The following HERC1 variants were observed in gnomAD, a reference collection of about 807,000 sequenced individuals.
The protein encoded by HERC1 is HECT and RLD domain containing E3 ubiquitin protein ligase family member 1, also known as probable E3 ubiquitin-protein ligase HERC1.
HERC1 carries 160 observed loss-of-function variants against 554.3 expected under a neutral mutation model. The ratio of observed to expected loss-of-function variants is 0.29; its 90% CI spans 0.25 to 0.33. HERC1 has a LOEUF of 0.33. HERC1 is among the 10% of genes least tolerant of loss of function. HERC1 has a pLI of 1.00. For synonymous variants in HERC1, 2,175 were observed against 2,131.7 expected (o/e 1.02, Z -0.56); for missense variants, 4,919 against 5,918.5 (o/e 0.83, Z 5.54).
chr15:63,687,755 G>A (rs768117900), intron 33 of HERC1, among the ~76,000 whole-genome samples: 3 of 152,182 alleles, frequency 2.0e-5, no homozygotes, highest in Non-Finnish European at 1.5e-5. Flanking sequence ...CAGGTGACAC[G>A]ACAAAGAGTG....
chr15:63,777,376 T>G (rs1348545838), intron 1 of HERC1, among the ~76,000 whole-genome samples: 1 of 152,216 alleles, frequency 6.6e-6, no homozygotes, highest in Non-Finnish European at 1.5e-5. Context: ...AACACCAGCA[T>G]TGTGCAGAGG....
chr15:63,764,347 CT>C (rs1379289303), intron 2 of HERC1, among the ~76,000 whole-genome samples, 156 bp from the exon 3 acceptor site: 2 of 152,182 alleles, frequency 1.3e-5, no homozygotes, highest in African/African-American at 4.8e-5. Context: ...ATGAAACTAA[CT>C]TTTGCAAGGA....
At chr15:63,709,103 C>T (rs1234122049) in intron 24 of HERC1, among the ~76,000 whole-genome samples, 1 of 152,154 alleles carries the variant, frequency 6.6e-6, no homozygotes, top group Non-Finnish European at 1.5e-5. Flanking sequence ...GATCCTCCCA[C>T]CTCAGCCTCC....
chr15:63,653,727 G>A (rs1262799104), intron 51 of HERC1, among the ~76,000 whole-genome samples: 1 of 152,064 alleles, frequency 6.6e-6, no homozygotes, highest in Non-Finnish European at 1.5e-5. Context: ...CAGTTATACT[G>A]TACTTTTCAT....
In HERC1 at chr15:63,660,644, T is replaced by C. The variant is rs575749170; in HGVS notation, c.9223+329A>G. 2.6e-5 allele frequency among the ~76,000 whole-genome samples: 4 copies of C among 152,292 alleles called. No homozygotes were observed. In the South Asian group the frequency reaches 8.3e-4, roughly 32 times the overall value. On this transcript the variant is annotated intron_variant, in intron 46 of 77. Transcript: ENST00000443617. The stretch of plus-strand genomic sequence containing the variant: ...AAAATGAGTGCTCCAGAAAAATCAA[T>C]GCTCATCTCTATTTATTTTTTACTT...
At position 63,612,497 on chromosome 15, in the gene HERC1, G is replaced by A. The variant is rs1461085927; in HGVS notation, c.14154C>T (p.Leu4718=). Reference sequence around the variant, plus strand: ...CCATCTGCTCCAGTTGTTTTGCTGTGAGGAGGGACAGCAGCGGCACAGGAA... The same window carrying A: ...CCATCTGCTCCAGTTGTTTTGCTGTAAGGAGGGACAGCAGCGGCACAGGAA... The part of the protein sequence containing the change: ...WIVPVPLLSL[L]TAKQLEQMVC... Residue 4718 remains leucine (L), a synonymous_variant, in exon 77 of 78, where the codon CTC becomes CTT. Transcript: ENST00000443617. This position sits in a 1 kb window ranked among gnomAD's most constrained non-coding sequence, Gnocchi z 5.0. 6.2e-7 allele frequency: 1 copy of A among 1,614,006 alleles called. No individual in the cohort carries two copies. Among genetic ancestry groups the A allele is most frequent in the Admixed American group, 1.7e-5 (1 of 60,032 alleles).
At chr15:63,816,224 G>T (rs926517289) in intron 1 of HERC1, among the ~76,000 whole-genome samples, 1 of 152,134 alleles carries the variant, frequency 6.6e-6, no homozygotes, top group Non-Finnish European at 1.5e-5. Flanking sequence ...CTTCTTTACT[G>T]TAAGTCTTTT....
At chr15:63,649,609 T>C (rs2069565796) in intron 54 of HERC1, 116 bp downstream of exon 54, 1 of 799,626 alleles carries the variant, frequency 1.3e-6, no homozygotes, top group South Asian at 1.8e-5. Context: ...CTGGAAAATT[T>C]TGAAAACAAA....
rs74018159 is a variant in HERC1, at chr15:63,634,672, C to T, written c.12570+61G>A. On this transcript the variant is annotated intron_variant, in intron 66 of 77. Transcript: ENST00000443617. ...CCTGATCTTCCTGAGGGTGTCTAAG[C>T]GAACACAGAAGAAATGAGAAACAAT... The T allele has an allele frequency of 3.0e-3, 4,297 of 1,446,030 alleles. 115 individuals carry two copies. In the African/African-American group the frequency reaches 0.054, roughly 18 times the overall value. The allele number at this position is 1,446,030 out of a possible 1,614,324, so 89.6% of individuals were successfully genotyped here. A position where few individuals can be genotyped will look rare whatever the true frequency, so the allele number is the denominator to read the frequency against.
intron 14 of HERC1, among the ~76,000 whole-genome samples, chr15:63,730,060 T>C (rs1453742697): frequency 6.6e-6 from 1 of 150,612 alleles, no homozygotes; most frequent in African/African-American, 2.4e-5. Context: ...ATTATATCCT[T>C]TCTCCCATTA....
At chr15:63,701,433 G>C (rs1226866325) in intron 25 of HERC1, among the ~76,000 whole-genome samples, 1 of 152,158 alleles carries the variant, frequency 6.6e-6, no homozygotes, top group African/African-American at 2.4e-5. Context: ...GCAATTTAAA[G>C]CAGGGGTTGG....
At chr15:63,816,032 C>A (rs1446217821) in intron 1 of HERC1, among the ~76,000 whole-genome samples, 1 of 152,132 alleles carries the variant, frequency 6.6e-6, no homozygotes, top group Non-Finnish European at 1.5e-5. Flanking sequence ...CCTCCCCCCA[C>A]ACGTAGGGAT....
intron 1 of HERC1, among the ~76,000 whole-genome samples, chr15:63,789,266 A>AT (rs2076556584): frequency 6.8e-6 from 1 of 147,924 alleles, no homozygotes; most frequent in African/African-American, 2.5e-5. Flanking sequence ...AATTTTTTGT[A>AT]TTTTTAGTAG....
chr15:63,775,612 C>A lies in HERC1; in HGVS notation c.12G>T (p.Met4Ile). The change falls in exon 2 of 78, where the codon ATG becomes ATT. Residue 4 changes from methionine (M) to isoleucine (I), a missense_variant. This residue lies in a region of HERC1 where 110 missense variants were observed against 99.3 expected (regional missense o/e 1.11). Transcript: ENST00000443617. This position sits in a 1 kb window ranked among gnomAD's most constrained non-coding sequence, Gnocchi z 4.0. MAT[M>I]IPPVKLKWLE... ...GCCATTTCAGCTTCACTGGTGGAATCATAGTTGCCATGTTGATTTATCCTT... is the reference window on the plus strand; with the variant it reads ...GCCATTTCAGCTTCACTGGTGGAATAATAGTTGCCATGTTGATTTATCCTT... 6.3e-7 allele frequency: 1 copy of A among 1,593,140 alleles called. No homozygotes were observed. Among genetic ancestry groups the A allele is most frequent in the Non-Finnish European group, 8.5e-7 (1 of 1,171,208 alleles).
intron 53 of HERC1, 140 bp downstream of exon 53, chr15:63,651,113 G>T: frequency 1.4e-6 from 1 of 711,720 alleles, no homozygotes; most frequent in Non-Finnish European, 2.3e-6. Context: ...AGCACACAGT[G>T]CATAGATTGA....
At chr15:63,671,038 C>T (rs1048693369) in intron 39 of HERC1, among the ~76,000 whole-genome samples, 5 of 151,850 alleles carry the variant, frequency 3.3e-5, no homozygotes, top group African/African-American at 9.7e-5. Flanking sequence ...CCTGTCTCTA[C>T]TAAAAATACA....
rs1292889229 is a variant in HERC1 at position 63,612,891 on chromosome 15, C to T, written c.14095-335G>A. 6.6e-6 allele frequency among the ~76,000 whole-genome samples: 1 copy of T among 152,218 alleles called. No individual in the cohort carries two copies. On this transcript the variant is annotated intron_variant, in intron 76 of 77. Transcript: ENST00000443617. This position sits in a 1 kb window ranked among gnomAD's most constrained non-coding sequence, Gnocchi z 5.0. The stretch of plus-strand genomic sequence containing the variant: ...TCACTCATATTCCTAATCATATGTG[C>T]CCATGTGCTGTCAAACTATGCATGT...
chr15:63,804,817 C>CA (rs1369493967), intron 1 of HERC1, among the ~76,000 whole-genome samples: 2 of 151,970 alleles, frequency 1.3e-5, no homozygotes, highest in Non-Finnish European at 2.9e-5. Flanking sequence ...CATAAACAGC[C>CA]AAAAAAGCGC....
chr15:63,715,083 TTGGGGCAGACC>T (rs2073487012), intron 22 of HERC1, among the ~76,000 whole-genome samples: 1 of 152,150 alleles, frequency 6.6e-6, no homozygotes, highest in East Asian at 1.9e-4. Flanking sequence ...TCATTGGTGT[TTGGGGCAGACC>T]TGCTTCTAAT....
Sources: allele counts gnomAD v4.1 joint callset (sites outside exome capture counted in the v4.1 genomes callset), GRCh38; gene constraint gnomAD v4.1.1; regional missense constraint gnomAD v4.1.1; non-coding constraint Gnocchi (gnomAD v3.1); transcripts MANE v1.5; gene names NCBI Gene and HGNC (gene_info 2026-07-23, HGNC 2026-07-21).